The following WDR53 variants were observed in gnomAD, a reference collection of about 807,000 sequenced individuals.
The protein encoded by WDR53 is WD repeat-containing protein 53.
Under a neutral mutation model 21.3 loss-of-function variants are expected in WDR53, and 19 were observed. That is an observed-to-expected ratio of 0.89 (90% CI 0.62 to 1.31). WDR53 has a LOEUF of 1.31. WDR53 is among the 50% of genes most tolerant of loss of function. The probability of loss-of-function intolerance (pLI) is 0.00; values close to 1 mark genes in which losing one functional copy is unlikely to be tolerated. For synonymous variants in WDR53, 157 were observed against 163.4 expected, an observed-to-expected ratio of 0.96 and a Z score of 0.30; for missense variants, 374 against 423.2, an observed-to-expected ratio of 0.88 and a Z score of 1.02.
At chr3:196,561,551 G>T in intron 2 of WDR53, 60 bp from the exon 3 acceptor site, 1 of 1,449,668 alleles carries the variant, frequency 6.9e-7, no homozygotes, top group South Asian at 1.5e-5. Flanking sequence ...GATGGGAGGA[G>T]ACAGATGTAA....
chr3:196,562,566 T>G (rs1734986933), intron 2 of WDR53, among the ~76,000 whole-genome samples: 1 of 152,098 alleles, frequency 6.6e-6, no homozygotes. Context: ...CCGGCTGCAA[T>G]GTGTTTTAGT....
At chr3:196,562,114 G>A (rs1734932286) in intron 2 of WDR53, among the ~76,000 whole-genome samples, 1 of 152,110 alleles carries the variant, frequency 6.6e-6, no homozygotes, top group South Asian at 2.1e-4. Flanking sequence ...TACATACACT[G>A]CACCAGTACT....
At position 196,561,359 on chromosome 3, in the gene WDR53, A is replaced by G. The variant is rs1379079173; in HGVS notation, c.117T>C (p.Asp39=). ...ACCGCGTGTGTCCTAATGGAGTTCC[A>G]TCTTCACCCCAAGCCGTGAGATCTC... The part of the protein sequence containing the change: ...EGGDLTAWGE[D]GTPLGHTRFQ... The change falls in exon 3 of 4, where the codon GAT becomes GAC. Residue 39 remains aspartate (D), a synonymous_variant. Coordinates refer to ENST00000332629, the MANE Select transcript of WDR53 (RefSeq NM_182627.3). 2.5e-6 allele frequency: 4 copies of G among 1,614,130 alleles called. No homozygotes were observed. Among genetic ancestry groups the G allele is most frequent in the Non-Finnish European group, 3.4e-6 (4 of 1,180,018 alleles).
chr3:196,562,900 G>A (rs547426965), intron 2 of WDR53, among the ~76,000 whole-genome samples: 4 of 152,112 alleles, frequency 2.6e-5, no homozygotes, highest in East Asian at 3.9e-4. Context: ...TGGCACAATC[G>A]TGGCTCACTG....
intron 3 of WDR53, among the ~76,000 whole-genome samples, chr3:196,559,684 G>A (rs181456746): frequency 7.9e-5 from 12 of 152,186 alleles, no homozygotes; most frequent in African/African-American, 2.6e-4. Context: ...TGGACACATC[G>A]GTCATTCACA....
intron 2 of WDR53, among the ~76,000 whole-genome samples, chr3:196,563,433 A>T (rs1421507164): frequency 6.6e-6 from 1 of 152,224 alleles, no homozygotes; most frequent in Non-Finnish European, 1.5e-5. Context: ...CATAAGCGAA[A>T]GGAGAGCTTA....
chr3:196,559,376 C>T (rs1734616071), intron 3 of WDR53, among the ~76,000 whole-genome samples: 1 of 152,178 alleles, frequency 6.6e-6, no homozygotes, highest in Admixed American at 6.5e-5. Context: ...AACCCAGGCA[C>T]TACAGATGTT....
chr3:196,554,490 C>G lies in WDR53; in HGVS notation c.798G>C (p.Thr266=), dbSNP rs144688549. ...CAACTTCACTGTTTGCATCCCACAA[C>G]GTGATCTTCCCATCATTCCCTCCAG... is the stretch of plus-strand genomic sequence containing the variant. ...LLTGGNDGKI[T]LWDANSEVEK... is the part of the protein sequence containing the mutation. Residue 266 remains threonine (T), a synonymous_variant, in exon 4 of 4, where the codon ACG becomes ACC. Transcript: ENST00000332629. 1.9e-6 allele frequency: 3 copies of G among 1,614,032 alleles called. No individual in the cohort carries two copies. The Admixed American group carries it at 5.0e-5, about 27-fold the overall frequency.
intron 3 of WDR53, among the ~76,000 whole-genome samples, chr3:196,560,126 C>T (rs1221925462): frequency 6.6e-6 from 1 of 152,156 alleles, no homozygotes; most frequent in African/African-American, 2.4e-5. Context: ...CCATTTTTTC[C>T]CCTCATGAAA....
At chr3:196,558,663 C>A (rs575251821) in intron 3 of WDR53, among the ~76,000 whole-genome samples, 1 of 152,226 alleles carries the variant, frequency 6.6e-6, no homozygotes, top group Admixed American at 6.5e-5. Context: ...AGAAGTAACT[C>A]AAAATAGTCA....
chr3:196,565,242 ATAAC>A (rs1735265054), intron 2 of WDR53, among the ~76,000 whole-genome samples: 1 of 149,642 alleles, frequency 6.7e-6, no homozygotes, highest in African/African-American at 2.5e-5. Flanking sequence ...AGAAAAATAA[ATAAC>A]TGTTACTGGG....
At chr3:196,555,010 T>TAGGTAGAAATA (rs1553870130) in intron 3 of WDR53, among the ~76,000 whole-genome samples, 1 of 151,568 alleles carries the variant, frequency 6.6e-6, no homozygotes, top group Non-Finnish European at 1.5e-5. Flanking sequence ...AGAGTGCGGT[T>TAGGTAGAAATA]AGGTAGAATT....
intron 3 of WDR53, among the ~76,000 whole-genome samples, chr3:196,555,606 A>G (rs1287225635): frequency 6.6e-6 from 1 of 152,132 alleles, no homozygotes; most frequent in Non-Finnish European, 1.5e-5. Context: ...TGTATCAACC[A>G]TTTTGCAAAG....
Position 196,554,821 on chromosome 3 carries a change from G to A in WDR53, c.481-14C>T, listed in dbSNP as rs747671307. On this transcript the variant is annotated splice_polypyrimidine_tract_variant and intron_variant, in intron 3 of 3. Transcript: ENST00000332629. The stretch of plus-strand genomic sequence containing the variant: ...CCACAGCATCACCTTTACATAAGAA[G>A]AAATTACACAGTCATACAAAATGCT... 1.0e-5 allele frequency: 16 copies of A among 1,592,814 alleles called. No homozygotes were observed. The highest frequency in any genetic ancestry group is 2.7e-5 in the African/African-American group (2 of 73,906).
In WDR53 at chr3:196,558,720, T is replaced by C. The variant is rs560741983; in HGVS notation, c.480+2276A>G. Among the ~76,000 whole-genome samples, 34 of 152,388 alleles carry C rather than the reference T, an allele frequency of 2.2e-4. 1 individual carries two copies. In the South Asian group the frequency reaches 3.9e-3, roughly 18 times the overall value. On this transcript the variant is annotated intron_variant, in intron 3 of 3. Coordinates refer to ENST00000332629, the MANE Select transcript of WDR53 (RefSeq NM_182627.3). ...GTGCCTACATTCTTGGGCTCCCCCA[T>C]AGACTGGCTATCCTTAAAGTTTAGG...
chr3:196,565,922 C>A (rs577776102), intron 2 of WDR53, among the ~76,000 whole-genome samples: 1 of 152,358 alleles, frequency 6.6e-6, no homozygotes, highest in Non-Finnish European at 1.5e-5. Flanking sequence ...ACCATCCCCA[C>A]ATTCACGTAT....
At chr3:196,564,081 A>G (rs943967812) in intron 2 of WDR53, among the ~76,000 whole-genome samples, 1 of 152,154 alleles carries the variant, frequency 6.6e-6, no homozygotes, top group South Asian at 2.1e-4. Context: ...GACTGAAGCA[A>G]TAATATTTAA....
intron 2 of WDR53, among the ~76,000 whole-genome samples, chr3:196,563,714 G>A (rs1249176076): frequency 6.6e-6 from 1 of 152,040 alleles, no homozygotes; most frequent in Non-Finnish European, 1.5e-5. Flanking sequence ...TGAGATTATA[G>A]ACGCCTGCCA....
At chr3:196,567,751 T>TTGTGTGTG (rs3080583) in intron 1 of WDR53, among the ~76,000 whole-genome samples, 39,981 of 143,384 alleles carry the variant, frequency 0.28, 5,704 homozygotes, top group South Asian at 0.37. Flanking sequence ...GCTGAAATTC[T>TTGTGTGTG]TGTGTGTGTG....
Sources: allele counts gnomAD v4.1 joint callset (sites outside exome capture counted in the v4.1 genomes callset), GRCh38; gene constraint gnomAD v4.1.1; transcripts MANE v1.5; gene names NCBI Gene and HGNC (gene_info 2026-07-23, HGNC 2026-07-21).